The following DENND4C variants were observed in gnomAD, a reference collection of about 807,000 sequenced individuals.
DENND4C encodes DENN domain-containing protein 4C.
DENND4C carries 108 observed loss-of-function variants against 203.0 expected under a neutral mutation model. That is an observed-to-expected ratio of 0.53 (90% confidence interval 0.46 to 0.62). DENND4C has a LOEUF of 0.62. Among genes scored for constraint, DENND4C ranks in the 20% least tolerant of loss-of-function variants. The pLI is 0.00. For missense variants in DENND4C, 2,481 were observed against 2,301.2 expected, an observed-to-expected ratio of 1.08 and a Z score of -1.60; for synonymous variants, 871 against 792.4, an observed-to-expected ratio of 1.10 and a Z score of -1.67.
chr9:19,273,468 T>C (rs1019457779), intron 1 of DENND4C, among the ~76,000 whole-genome samples: 4 of 151,992 alleles, frequency 2.6e-5, no homozygotes, highest in Non-Finnish European at 5.9e-5. Context: ...CCTCTGTTTT[T>C]CATAAGACCC....
In DENND4C at chr9:19,332,040, G is replaced by A. The variant is rs369736260; in HGVS notation, c.2316G>A (p.Lys772=). 14 of 1,613,944 alleles carry A rather than the reference G, an allele frequency of 8.7e-6. No individual in the cohort carries two copies. The African/African-American group carries it at 9.3e-5, about 11-fold the overall frequency. ...RCYTNPPQWA[K]CLFSHCYSLW... Reference sequence around the variant, plus strand: ...ATACAAATCCACCACAGTGGGCCAAGTGTCTGTTTAGTCATTGTTACAGTT... The same window carrying A: ...ATACAAATCCACCACAGTGGGCCAAATGTCTGTTTAGTCATTGTTACAGTT... The change falls in exon 17 of 33, where the codon AAG becomes AAA. Residue 772 remains lysine (K), a synonymous_variant. Transcript: ENST00000434457.
Position 19,313,982 on chromosome 9 carries a change from C to T in DENND4C, c.1488-2435C>T, listed in dbSNP as rs951985705. ...CTCTAATGCTAGCTACCTGGTGGGC[C>T]GAGGCAGGAAAATCGCTTGAACCTG... On this transcript the variant is annotated intron_variant, in intron 10 of 32. Transcript: ENST00000434457. Among the ~76,000 whole-genome samples, 5 of 152,068 alleles carry T rather than the reference C, an allele frequency of 3.3e-5. No individual in the cohort carries two copies. In the East Asian group the frequency reaches 5.8e-4, roughly 18 times the overall value.
intron 1 of DENND4C, among the ~76,000 whole-genome samples, chr9:19,232,596 C>G (rs144967986): frequency 3.3e-5 from 5 of 152,144 alleles, no homozygotes; most frequent in African/African-American, 1.2e-4. Context: ...ATTCTATTGT[C>G]GAGAGTAAAT....
chr9:19,272,219 A>G (rs1226767354), intron 1 of DENND4C, among the ~76,000 whole-genome samples: 1 of 151,870 alleles, frequency 6.6e-6, no homozygotes, highest in African/African-American at 2.4e-5. Context: ...CGAGAGTTTG[A>G]GACCAGCCTG....
In DENND4C at chr9:19,328,104, A is replaced by G. The variant is rs555634995; in HGVS notation, c.2195A>G (p.His732Arg). The change falls in exon 16 of 33, where the codon CAC becomes CGC. Residue 732 changes from histidine to arginine, a missense_variant. By Grantham distance (29) the His-to-Arg change is conservative. Transcript: ENST00000434457. ...GAGTTGAAACTTTGTTTTAGTAGAC[A>G]CCCTACTGGGAATAGCATTACAAAG... is the stretch of plus-strand genomic sequence containing the variant. ...PQELKLCFSR[H>R]PTGNSITKSP... is the part of the protein sequence containing the mutation. 2 of 1,613,734 alleles carry G rather than the reference A, an allele frequency of 1.2e-6. No individual in the cohort carries two copies. The highest frequency in any genetic ancestry group is 2.2e-5 in the South Asian group (2 of 91,062).
chr9:19,237,730 T>G (rs1420795111), intron 1 of DENND4C, among the ~76,000 whole-genome samples: 1 of 152,238 alleles, frequency 6.6e-6, no homozygotes, highest in Non-Finnish European at 1.5e-5. Flanking sequence ...TGTATGCCTT[T>G]TTTTCCTGCC....
chr9:19,289,146 A>G (rs892846459), intron 4 of DENND4C, among the ~76,000 whole-genome samples: 1 of 152,168 alleles, frequency 6.6e-6, no homozygotes, highest in Non-Finnish European at 1.5e-5. Context: ...GGAGGAGAGG[A>G]GGGCCTGAGA....
chr9:19,275,123 G>A (rs181383439), intron 1 of DENND4C, among the ~76,000 whole-genome samples: 1 of 150,378 alleles, frequency 6.6e-6, no homozygotes, highest in East Asian at 2.0e-4. Context: ...GATTACAGGT[G>A]CCCACCACCA....
At chr9:19,261,266 C>G (rs995627928) in intron 1 of DENND4C, among the ~76,000 whole-genome samples, 1 of 151,894 alleles carries the variant, frequency 6.6e-6, no homozygotes, top group Non-Finnish European at 1.5e-5. Context: ...TACTATAGCT[C>G]TAGTATAATT....
chr9:19,325,443 T>C (rs1248482667), intron 13 of DENND4C, among the ~76,000 whole-genome samples: 1 of 152,114 alleles, frequency 6.6e-6, no homozygotes, highest in Non-Finnish European at 1.5e-5. Context: ...CCAAAAAAAG[T>C]TGAATATTAT....
intron 1 of DENND4C, among the ~76,000 whole-genome samples, chr9:19,253,328 A>G (rs11999578): frequency 0.065 from 9,931 of 152,270 alleles, 625 homozygotes; most frequent in African/African-American, 0.16. Flanking sequence ...TATCATGCCC[A>G]ACGCCTTTTA....
At chr9:19,354,173 A>G (rs548118062) in intron 26 of DENND4C, among the ~76,000 whole-genome samples, 3 of 152,280 alleles carry the variant, frequency 2.0e-5, no homozygotes, top group East Asian at 1.9e-4. Flanking sequence ...CTTTTCTTCT[A>G]CAGGAAGTTA....
At chr9:19,338,251 G>T (rs769773202) in intron 20 of DENND4C, among the ~76,000 whole-genome samples, 1 of 151,890 alleles carries the variant, frequency 6.6e-6, no homozygotes, top group East Asian at 1.9e-4. Context: ...GAAGAAATGG[G>T]CTTCATGTAT....
intron 31 of DENND4C, among the ~76,000 whole-genome samples, chr9:19,370,841 T>G (rs1263682623): frequency 3.9e-5 from 6 of 152,234 alleles, no homozygotes; most frequent in Non-Finnish European, 2.9e-5. Flanking sequence ...TATCAAACAT[T>G]CCTAATGTTT....
chr9:19,323,367 T>C (rs535864049), intron 12 of DENND4C, among the ~76,000 whole-genome samples: 295 of 151,552 alleles, frequency 1.9e-3, no homozygotes, highest in South Asian at 4.6e-3. Context: ...GAGGCAGAGG[T>C]TGCAGTGAGC....
chr9:19,359,608 A>C (rs1333726943), intron 28 of DENND4C, among the ~76,000 whole-genome samples: 3 of 151,640 alleles, frequency 2.0e-5, no homozygotes, highest in Non-Finnish European at 2.9e-5. Context: ...TCTCTAAGAA[A>C]CTGTGGGTCC....
chr9:19,299,090 G>C (rs1838029409), intron 7 of DENND4C, 139 bp from the exon 8 acceptor site: 1 of 585,646 alleles, frequency 1.7e-6, no homozygotes, highest in Non-Finnish European at 2.9e-6. Context: ...GTTTCCAAAA[G>C]TGTGTTTGCA....
chr9:19,373,115 T>C lies in DENND4C; in HGVS notation c.*942T>C, dbSNP rs1013840022. 3.1e-4 allele frequency: 47 copies of C among 152,308 alleles called. No individual in the cohort carries two copies. Among genetic ancestry groups the C allele is most frequent in the African/African-American group, 1.1e-3 (44 of 41,564 alleles). The allele number at this position is 152,308 out of a possible 1,614,324, so 9.4% of individuals were successfully genotyped here. On this transcript the variant is annotated 3_prime_UTR_variant, in exon 33 of 33. Transcript: ENST00000434457. ...GCTGCCTTCCCTAACTTTAATGTAT[T>C]AGGTTGGCACAAAATTAATTGTAGT...
Position 19,346,955 on chromosome 9 carries a change from G to C in DENND4C, c.4186G>C (p.Gly1396Arg). Residue 1396 changes from glycine to arginine, a missense_variant, in exon 23 of 33, where the codon GGG (glycine) becomes CGG (arginine). By Grantham distance (125) the Gly-to-Arg change is moderately radical. Transcript: ENST00000434457. ...SLGSVVNSLS[G>R]LKLDNILSGP... ...GGGTTCTGTAGTAAATTCTTTGTCA[G>C]GGCTAAAGCTGGATAATATACTCTC... 1.2e-6 allele frequency: 2 copies of C among 1,614,164 alleles called. No homozygotes were observed. The highest frequency in any genetic ancestry group is 1.7e-6 in the Non-Finnish European group (2 of 1,180,034).
Sources: allele counts gnomAD v4.1 joint callset (sites outside exome capture counted in the v4.1 genomes callset), GRCh38; gene constraint gnomAD v4.1.1; transcripts MANE v1.5; gene names NCBI Gene and HGNC (gene_info 2026-07-23, HGNC 2026-07-21).